ENTREP2: variants seen among roughly 807,000 people sequenced by gnomAD.
ENTREP2 encodes the protein endosomal transmembrane epsin interactor 2.
chr15:29,634,425 G>T, the ENTREP2 span, among the ~76,000 whole-genome samples: 2 of 152,050 alleles, frequency 1.3e-5, no homozygotes, highest in African/African-American at 4.8e-5. Flanking sequence ...CTCCTGTTTG[G>T]GGCTGTAAAA....
the ENTREP2 span, among the ~76,000 whole-genome samples, chr15:29,370,446 T>C: frequency 6.6e-6 from 1 of 152,164 alleles, no homozygotes; most frequent in African/African-American, 2.4e-5. Context: ...TATTTGTACA[T>C]AACAATTGTG....
the ENTREP2 span, among the ~76,000 whole-genome samples, chr15:29,397,119 G>T: frequency 2.6e-5 from 4 of 152,270 alleles, no homozygotes; most frequent in African/African-American, 9.6e-5. Context: ...AGGCACAGTG[G>T]GTGGCTCACA....
chr15:29,135,660 C>T, the ENTREP2 span, among the ~76,000 whole-genome samples: 1 of 152,180 alleles, frequency 6.6e-6, no homozygotes, highest in African/African-American at 2.4e-5. The surrounding 1 kb of genome is among the most constrained non-coding windows in gnomAD (Gnocchi z 7.4). Flanking sequence ...TGTTATGATC[C>T]TCATTTTACA....
the ENTREP2 span, among the ~76,000 whole-genome samples, chr15:29,643,945 G>A: frequency 1.3e-5 from 2 of 152,054 alleles, no homozygotes; most frequent in Non-Finnish European, 2.9e-5. Flanking sequence ...GGCGTATACT[G>A]AATATAAATA....
chr15:29,439,746 C>T, the ENTREP2 span, among the ~76,000 whole-genome samples: 5 of 152,184 alleles, frequency 3.3e-5, no homozygotes, highest in Non-Finnish European at 7.3e-5. Flanking sequence ...GACACGCTCT[C>T]CCCCAGGAGG....
At chr15:29,271,990 T>TA in the ENTREP2 span, among the ~76,000 whole-genome samples, 4 of 152,122 alleles carry the variant, frequency 2.6e-5, no homozygotes, top group Admixed American at 2.6e-4. Context: ...TCATGTACGT[T>TA]ACCAAGCAGC....
At chr15:29,241,839 C>T in the ENTREP2 span, among the ~76,000 whole-genome samples, 6 of 150,540 alleles carry the variant, frequency 4.0e-5, no homozygotes, top group Admixed American at 4.0e-4. Flanking sequence ...TCAAGACTAG[C>T]CTATGCAATA....
chr15:29,511,416 C>A, the ENTREP2 span, among the ~76,000 whole-genome samples: 1 of 151,860 alleles, frequency 6.6e-6, no homozygotes, highest in Non-Finnish European at 1.5e-5. Context: ...GCAACCTCCA[C>A]CTCCTGAGTT....
the ENTREP2 span, chr15:29,269,632 C>G: frequency 1.3e-6 from 2 of 1,572,328 alleles, no homozygotes; most frequent in Non-Finnish European, 1.7e-6. Context: ...CCCGGGGTTT[C>G]CGCTATGGCT....
At chr15:29,669,406 C>G in the ENTREP2 span, among the ~76,000 whole-genome samples, 1 of 152,148 alleles carries the variant, frequency 6.6e-6, no homozygotes, top group Non-Finnish European at 1.5e-5. Flanking sequence ...CCATGTGATG[C>G]CCGGCACCAC....
chr15:29,596,026 G>GA, the ENTREP2 span, among the ~76,000 whole-genome samples: 2 of 152,132 alleles, frequency 1.3e-5, no homozygotes, highest in African/African-American at 4.8e-5. Flanking sequence ...TCCTTCCACT[G>GA]AAAATGGTAT....
the ENTREP2 span, among the ~76,000 whole-genome samples, chr15:29,664,303 T>C: frequency 6.6e-6 from 1 of 152,246 alleles, no homozygotes; most frequent in South Asian, 2.1e-4. Context: ...ACAGCTAAAT[T>C]CCTCTATCTC....
the ENTREP2 span, among the ~76,000 whole-genome samples, chr15:29,482,234 T>G: frequency 6.7e-6 from 1 of 149,544 alleles, no homozygotes; most frequent in East Asian, 2.0e-4. Flanking sequence ...GGTCTCGAAC[T>G]CCTGACCTCA....
chr15:29,245,327 G>A, the ENTREP2 span, among the ~76,000 whole-genome samples: 1 of 151,948 alleles, frequency 6.6e-6, no homozygotes, highest in Non-Finnish European at 1.5e-5. Flanking sequence ...ATCCTAGATC[G>A]ATAAAACACA....
At chr15:29,570,975 G>T in the ENTREP2 span, among the ~76,000 whole-genome samples, 1 of 144,848 alleles carries the variant, frequency 6.9e-6, no homozygotes, top group East Asian at 2.0e-4. Context: ...GCCGCGCTGC[G>T]CCCTCCCCCG....
the ENTREP2 span, among the ~76,000 whole-genome samples, chr15:29,197,897 G>A: frequency 6.6e-6 from 1 of 152,108 alleles, no homozygotes; most frequent in African/African-American, 2.4e-5. Flanking sequence ...CAGCCAACTC[G>A]AAGTACAAAT....
At chr15:29,171,986 A>G in the ENTREP2 span, among the ~76,000 whole-genome samples, 5 of 152,306 alleles carry the variant, frequency 3.3e-5, no homozygotes, top group East Asian at 9.6e-4. Context: ...TTTTAACCTT[A>G]ATTGACTTCA....
the ENTREP2 span, among the ~76,000 whole-genome samples, chr15:29,136,060 G>T: frequency 6.6e-6 from 1 of 152,238 alleles, no homozygotes; most frequent in Non-Finnish European, 1.5e-5. Context: ...TGGAACTGGG[G>T]ATCTAAGGGG....
chr15:29,227,873 AG>A, the ENTREP2 span, among the ~76,000 whole-genome samples: 1 of 152,242 alleles, frequency 6.6e-6, no homozygotes, highest in South Asian at 2.1e-4. Context: ...ACATTTCTGC[AG>A]TTCTGAGCCA....
Sources: allele counts gnomAD v4.1 joint callset (sites outside exome capture counted in the v4.1 genomes callset), GRCh38; gene constraint gnomAD v4.1.1; non-coding constraint Gnocchi (gnomAD v3.1); transcripts MANE v1.5; gene names NCBI Gene and HGNC (gene_info 2026-07-23, HGNC 2026-07-21).